The following PPP1R3B variants were observed in gnomAD, a reference collection of about 807,000 sequenced individuals.
PPP1R3B encodes the protein PP1 subunit R4.
A neutral mutation model predicts 14.6 loss-of-function variants in PPP1R3B; 8 were observed. That is an observed-to-expected ratio of 0.55 (90% CI 0.32 to 0.99). PPP1R3B has a LOEUF of 0.99. PPP1R3B is among the 50% of genes least tolerant of loss of function. The probability of loss-of-function intolerance (pLI) is 0.04; values close to 1 mark genes in which losing one functional copy is unlikely to be tolerated. For synonymous variants in PPP1R3B, 169 were observed against 142.0 expected (o/e 1.19, Z -1.35); for missense variants, 452 against 360.1 (o/e 1.26, Z -2.07).
intron 1 of PPP1R3B, among the ~76,000 whole-genome samples, chr8:9,146,771 C>T (rs1458251833): frequency 3.3e-5 from 5 of 151,966 alleles, no homozygotes; most frequent in African/African-American, 7.3e-5. Context: ...CTTATAGCCA[C>T]GTAACTGTTC....
Position 9,140,610 on chromosome 8 carries a change from T to C in PPP1R3B, c.*184A>G, listed in dbSNP as rs1408813367. The C allele has an allele frequency of 1.4e-5, 9 of 657,648 alleles. No homozygotes were observed. Among genetic ancestry groups the C allele is most frequent in the Non-Finnish European group, 2.3e-5 (9 of 391,106 alleles). The allele number at this position is 657,648 out of a possible 1,614,324, so 40.7% of individuals were successfully genotyped here. ...CTGCTCCTTTGAGTGAGACACTGGT[T>C]GTGTAATCTGAACCTGGCTGGATTT... is the stretch of plus-strand genomic sequence containing the variant. On this transcript the variant is annotated 3_prime_UTR_variant, in exon 2 of 2. Coordinates refer to ENST00000310455, the MANE Select transcript of PPP1R3B (RefSeq NM_024607.4).
At chr8:9,142,675 C>T (rs1801125040) in intron 1 of PPP1R3B, among the ~76,000 whole-genome samples, 1 of 152,138 alleles carries the variant, frequency 6.6e-6, no homozygotes, top group Non-Finnish European at 1.5e-5. Context: ...TCCAGTCCCT[C>T]TACCCTCACT....
Position 9,140,499 on chromosome 8 carries a change from A to T in PPP1R3B, c.*295T>A, listed in dbSNP as rs1486520681. The stretch of plus-strand genomic sequence containing the variant: ...CCTCCAGCTTCATCAGCACTGGCAT[A>T]GGCTTGATTCCCATCCATACCCTTT... On this transcript the variant is annotated 3_prime_UTR_variant, in exon 2 of 2. Coordinates refer to ENST00000310455, the MANE Select transcript of PPP1R3B (RefSeq NM_024607.4). 9.3e-6 allele frequency: 4 copies of T among 428,806 alleles called. No homozygotes were observed. Among genetic ancestry groups the T allele is most frequent in the Non-Finnish European group, 1.3e-5 (3 of 235,086 alleles). 26.6% of individuals were successfully genotyped at this position (428,806 alleles called of 1,614,324 possible). A position where few individuals can be genotyped will look rare whatever the true frequency, so the allele number is the denominator to read the frequency against.
intron 1 of PPP1R3B, among the ~76,000 whole-genome samples, chr8:9,142,955 G>A (rs7011581): frequency 0.036 from 5,435 of 152,216 alleles, 238 homozygotes; most frequent in South Asian, 0.17. Flanking sequence ...AGTGAATAAC[G>A]CTGCAATGAA....
In PPP1R3B at chr8:9,141,418, C is replaced by T. The variant is rs1360269909; in HGVS notation, c.234G>A (p.Val78=). ...NQGLALTMVK[V]FSEFDDPLDM... ...CTAGCGGGTCATCGAATTCCGAGAA[C>T]ACTTTGACCATTGTCAGGGCCAGCC... is the stretch of plus-strand genomic sequence containing the variant. Residue 78 remains valine, a synonymous_variant, in exon 2 of 2, where the codon GTG becomes GTA. Transcript: ENST00000310455. The T allele has an allele frequency of 6.2e-7, 1 of 1,614,174 alleles. No homozygotes were observed. The highest frequency in any genetic ancestry group is 8.5e-7 in the Non-Finnish European group (1 of 1,180,034).
rs1200795094 is a variant in PPP1R3B at position 9,140,982 on chromosome 8, T to C, written c.670A>G (p.Ser224Gly). ...YECNGQTYWD[S>G]NRGKNYRIIR... ...ATCCTATAGTTCTTGCCTCTGTTGC[T>C]GTCCCAGTACGTCTGTCCATTGCAC... The change falls in exon 2 of 2, where the codon AGC becomes GGC. Residue 224 changes from serine to glycine, a missense_variant. By Grantham distance (56) the Ser-to-Gly change is moderately conservative. Transcript: ENST00000310455. The C allele has an allele frequency of 6.2e-7, 1 of 1,614,240 alleles. No individual in the cohort carries two copies. Among genetic ancestry groups the C allele is most frequent in the Admixed American group, 1.7e-5 (1 of 60,028 alleles).
chr8:9,142,623 C>T (rs980023280), intron 1 of PPP1R3B, among the ~76,000 whole-genome samples: 1 of 152,030 alleles, frequency 6.6e-6, no homozygotes, highest in African/African-American at 2.4e-5. Flanking sequence ...TTATTCCTCC[C>T]GTCTACCTGA....
At chr8:9,149,409 A>G (rs1801346889) in intron 1 of PPP1R3B, among the ~76,000 whole-genome samples, 1 of 151,838 alleles carries the variant, frequency 6.6e-6, no homozygotes, top group Admixed American at 6.6e-5. Flanking sequence ...AGGCCGAGGC[A>G]GGAGAATGGC....
intron 1 of PPP1R3B, among the ~76,000 whole-genome samples, chr8:9,144,237 G>A (rs957810466): frequency 1.3e-5 from 2 of 150,996 alleles, no homozygotes; most frequent in African/African-American, 2.4e-5. Context: ...ACCTAGGCTG[G>A]AGTGAAGTGG....
chr8:9,148,681 C>G (rs999558149), intron 1 of PPP1R3B, among the ~76,000 whole-genome samples: 2 of 152,168 alleles, frequency 1.3e-5, no homozygotes, highest in Admixed American at 1.3e-4. Context: ...CCACTCATAA[C>G]ACACCTTCTC....
In PPP1R3B at chr8:9,137,367, A is replaced by T. The variant is rs574149798; in HGVS notation, c.*3427T>A. On this transcript the variant is annotated 3_prime_UTR_variant, in exon 2 of 2. Transcript: ENST00000310455. ...ATTGCCGGACAACTGCACCTGTGAC[A>T]GGTGGCTGGTCTTTCTGGGGCAACC... 2 of 152,350 alleles carry T rather than the reference A, an allele frequency of 1.3e-5. No individual in the cohort carries two copies. Among genetic ancestry groups the T allele is most frequent in the African/African-American group, 4.8e-5 (2 of 41,586 alleles). The allele number at this position is 152,350 out of a possible 1,614,324, so 9.4% of individuals were successfully genotyped here. A position where few individuals can be genotyped will look rare whatever the true frequency, so the allele number is the denominator to read the frequency against.
chr8:9,148,168 G>C (rs936669960), intron 1 of PPP1R3B, among the ~76,000 whole-genome samples: 2 of 152,216 alleles, frequency 1.3e-5, no homozygotes, highest in African/African-American at 4.8e-5. Context: ...CCGCCATGCA[G>C]AAGTACTCCT....
At chr8:9,149,054 G>T (rs541487121) in intron 1 of PPP1R3B, among the ~76,000 whole-genome samples, 1 of 150,566 alleles carries the variant, frequency 6.6e-6, no homozygotes, top group Non-Finnish European at 1.5e-5. Context: ...TTAGCCGGGC[G>T]TGGCGGCGGG....
chr8:9,146,048 T>C (rs1433299770), intron 1 of PPP1R3B, among the ~76,000 whole-genome samples: 1 of 152,012 alleles, frequency 6.6e-6, no homozygotes, highest in Non-Finnish European at 1.5e-5. Flanking sequence ...TTTTCAATTT[T>C]TATAGAGGCA....
chr8:9,143,722 A>AAAC (rs1250918929), intron 1 of PPP1R3B, among the ~76,000 whole-genome samples: 1 of 152,170 alleles, frequency 6.6e-6, no homozygotes. Context: ...AATAAAATAA[A>AAAC]AACAACCAGC....
In PPP1R3B at chr8:9,141,665, C is replaced by T. The variant is rs776933379; in HGVS notation, c.-14G>A. 6.2e-7 allele frequency: 1 copy of T among 1,602,878 alleles called. No homozygotes were observed. Among genetic ancestry groups the T allele is most frequent in the South Asian group, 1.1e-5 (1 of 90,820 alleles). On this transcript the variant is annotated 5_prime_UTR_variant, in exon 2 of 2. Transcript: ENST00000310455. ...CACAGCCATCATGGGGCTAGATGAA[C>T]AGGCTAGAACCGTGGAAAGGGAAGA...
chr8:9,143,071 G>A (rs377367018), intron 1 of PPP1R3B, among the ~76,000 whole-genome samples: 2 of 152,224 alleles, frequency 1.3e-5, no homozygotes, highest in Non-Finnish European at 1.5e-5. Flanking sequence ...GTGGTTTTTT[G>A]AGGAGCCTCC....
chr8:9,149,106 T>C (rs1585345929), intron 1 of PPP1R3B, among the ~76,000 whole-genome samples: 1 of 140,758 alleles, frequency 7.1e-6, no homozygotes, highest in Non-Finnish European at 1.5e-5. Flanking sequence ...GGCAGGAGAA[T>C]GGCGCGAACC....
In PPP1R3B at chr8:9,136,795, T is replaced by A. The variant is rs1224933933; in HGVS notation, c.*3999A>T. 1 of 152,194 alleles carries A rather than the reference T, an allele frequency of 6.6e-6. No individual in the cohort carries two copies. The highest frequency in any genetic ancestry group is 2.4e-5 in the African/African-American group (1 of 41,452). The allele number at this position is 152,194 out of a possible 1,614,324, so 9.4% of individuals were successfully genotyped here. A position where few individuals can be genotyped will look rare whatever the true frequency, so the allele number is the denominator to read the frequency against. ...GATCGGGACTCTCCCAGGACTACAT[T>A]CAGGTGAGAAATTTTAGAAGAGGAA... On this transcript the variant is annotated 3_prime_UTR_variant, in exon 2 of 2. Coordinates refer to ENST00000310455, the MANE Select transcript of PPP1R3B (RefSeq NM_024607.4).
Sources: gnomAD v4.1 joint callset for allele counts (sites outside exome capture counted in the v4.1 genomes callset) on GRCh38, gnomAD v4.1.1 for gene constraint, MANE v1.5 for transcripts, NCBI Gene and HGNC (gene_info 2026-07-23, HGNC 2026-07-21) for gene names.